The following PALS2 variants were observed in gnomAD, a reference collection of about 807,000 sequenced individuals.
The protein encoded by PALS2 is protein associated with LIN7 2, MAGUK p55 family member.
A neutral mutation model predicts 61.6 loss-of-function variants in PALS2; 27 were observed. That is an observed-to-expected ratio of 0.44 (90% CI 0.32 to 0.60). PALS2 has a LOEUF of 0.60. Among genes scored for constraint, PALS2 ranks in the 20% least tolerant of loss-of-function variants. PALS2 has a pLI of 0.05. For synonymous variants in PALS2, 236 were observed against 218.6 expected (o/e 1.08, Z -0.70); for missense variants, 554 against 639.4 (o/e 0.87, Z 1.44).
At position 24,687,126 on chromosome 7, in the gene PALS2, G is replaced by GT. The variant is rs1210819287; in HGVS notation, c.1447-311dup. 6.6e-6 allele frequency among the ~76,000 whole-genome samples: 1 copy of GT among 152,196 alleles called. No individual in the cohort carries two copies. The highest frequency in any genetic ancestry group is 1.9e-4 in the East Asian group (1 of 5,196). On this transcript the variant is annotated intron_variant, in intron 11 of 11. Transcript: ENST00000222644. The surrounding 1 kb of genome is among the most constrained non-coding windows in gnomAD (Gnocchi z 4.5). The stretch of plus-strand genomic sequence containing the variant: ...TGGAGCTGGAAACCAGTCACCTGCA[G>GT]TAATTGTTTTGTTACTGTAGATTCA...
At chr7:24,679,101 G>C in intron 9 of PALS2, 30 bp from the exon 10 acceptor site, 1 of 1,599,378 alleles carries the variant, frequency 6.3e-7, no homozygotes, top group Non-Finnish European at 8.6e-7. Context: ...AAATTTCTTT[G>C]TACAAAAATC....
chr7:24,669,574 G>T, intron 9 of PALS2, among the ~76,000 whole-genome samples: 1 of 152,006 alleles, frequency 6.6e-6, no homozygotes, highest in East Asian at 1.9e-4. Flanking sequence ...ATTCCTTTAG[G>T]TATATTAATG....
chr7:24,661,490 A>T (rs1786718627), intron 5 of PALS2, among the ~76,000 whole-genome samples: 1 of 152,210 alleles, frequency 6.6e-6, no homozygotes, highest in African/African-American at 2.4e-5. Flanking sequence ...ATGGTTACAA[A>T]ATATATTCTG....
At chr7:24,633,700 C>CCATAAACATTATG (rs1347887418) in intron 2 of PALS2, among the ~76,000 whole-genome samples, 1 of 151,990 alleles carries the variant, frequency 6.6e-6, no homozygotes, top group African/African-American at 2.4e-5. Flanking sequence ...ATGAATATTG[C>CCATAAACATTATG]TGCCATAAAC....
rs1259803456 is a variant in PALS2, at chr7:24,692,329, G to A, written c.*4715G>A. On this transcript the variant is annotated 3_prime_UTR_variant, in exon 12 of 12. Coordinates refer to ENST00000222644, the MANE Select transcript of PALS2 (RefSeq NM_001303037.2). ...TCCTAATTCTGACTTCTGACTGTGT[G>A]ATCTTCGATGAAATTTATATTTCCC... is the stretch of plus-strand genomic sequence containing the variant. The A allele has an allele frequency of 6.6e-6, 1 of 152,190 alleles. No individual in the cohort carries two copies. Among genetic ancestry groups the A allele is most frequent in the African/African-American group, 2.4e-5 (1 of 41,450 alleles). The allele number at this position is 152,190 out of a possible 1,614,324, so 9.4% of individuals were successfully genotyped here.
intron 3 of PALS2, among the ~76,000 whole-genome samples, chr7:24,647,132 TTTTAA>T (rs1295056576): frequency 4.0e-5 from 6 of 151,686 alleles, no homozygotes; most frequent in Non-Finnish European, 8.8e-5. Flanking sequence ...GTTGTTGTTG[TTTTAA>T]TTTAATTTAA....
intron 9 of PALS2, among the ~76,000 whole-genome samples, chr7:24,676,688 A>G (rs1001362937): frequency 4.6e-5 from 7 of 151,116 alleles, no homozygotes; most frequent in African/African-American, 1.2e-4. Context: ...ATAGTTGTAG[A>G]TACGCGGCGT....
intron 9 of PALS2, among the ~76,000 whole-genome samples, chr7:24,670,629 G>C (rs1165807034): frequency 6.6e-6 from 1 of 152,166 alleles, no homozygotes; most frequent in Non-Finnish European, 1.5e-5. Context: ...TAGAATTCTG[G>C]ATTGTAAAAT....
chr7:24,579,502 G>T (rs2711092), intron 1 of PALS2, among the ~76,000 whole-genome samples: 21 of 152,014 alleles, frequency 1.4e-4, no homozygotes, highest in African/African-American at 5.1e-4. Context: ...GAAACAGCAG[G>T]CTTCCTCCCC....
At chr7:24,624,174 T>A (rs1784639085) in intron 2 of PALS2, 1 of 1,237,024 alleles carries the variant, frequency 8.1e-7, no homozygotes, top group South Asian at 1.4e-5. Flanking sequence ...CTTGACTTCC[T>A]TTATCTAGTG....
At chr7:24,663,815 T>C in intron 6 of PALS2, 94 bp downstream of exon 6, 2 of 1,415,434 alleles carry the variant, frequency 1.4e-6, no homozygotes, top group Non-Finnish European at 1.9e-6. Flanking sequence ...TATTAGCATT[T>C]GTTACAATGA....
rs1788513367 is a variant in PALS2, at chr7:24,692,300, A to G, written c.*4686A>G. The G allele has an allele frequency of 6.6e-6, 1 of 152,214 alleles. No homozygotes were observed. Among genetic ancestry groups the G allele is most frequent in the Non-Finnish European group, 1.5e-5 (1 of 68,028 alleles). The allele number at this position is 152,214 out of a possible 1,614,324, so 9.4% of individuals were successfully genotyped here. The stretch of plus-strand genomic sequence containing the variant: ...TAAAAGTAAAGACAGGGTACTGGCC[A>G]AGATCCTAATTCTGACTTCTGACTG... On this transcript the variant is annotated 3_prime_UTR_variant, in exon 12 of 12. Transcript: ENST00000222644.
rs1487552441 is a variant in PALS2 at position 24,693,849 on chromosome 7, G to T, written c.*6235G>T. On this transcript the variant is annotated 3_prime_UTR_variant, in exon 12 of 12. Coordinates refer to ENST00000222644, the MANE Select transcript of PALS2 (RefSeq NM_001303037.2). ...ATGTTGAGCTCTGTTGGAGCCTATG[G>T]TGAGTATTTGATGTGAAAACCTTGC... 1 of 152,082 alleles carries T rather than the reference G, an allele frequency of 6.6e-6. No individual in the cohort carries two copies. The highest frequency in any genetic ancestry group is 1.9e-4 in the East Asian group (1 of 5,196). 9.4% of individuals were successfully genotyped at this position (152,082 alleles called of 1,614,324 possible). A position where few individuals can be genotyped will look rare whatever the true frequency, so the allele number is the denominator to read the frequency against.
At chr7:24,597,162 G>GA (rs953350520) in intron 1 of PALS2, 5 of 152,128 alleles carry the variant, frequency 3.3e-5, no homozygotes, top group African/African-American at 1.2e-4. Flanking sequence ...ACTCCCTGGG[G>GA]AAAAACGTAA....
In PALS2 at chr7:24,681,093, G is replaced by A. The variant is rs184846494; in HGVS notation, c.1446+573G>A. ...ATTAAAATATGCGTATTAATTGAAC[G>A]CCTTCATTTTACTAGTGGGGTAACT... On this transcript the variant is annotated intron_variant, in intron 11 of 11. Transcript: ENST00000222644. 7.3e-5 allele frequency among the ~76,000 whole-genome samples: 11 copies of A among 151,458 alleles called. No individual in the cohort carries two copies. The East Asian group carries it at 7.7e-4, about 11-fold the overall frequency.
intron 1 of PALS2, among the ~76,000 whole-genome samples, chr7:24,607,588 C>T (rs201425446): frequency 8.6e-5 from 7 of 81,288 alleles, no homozygotes; most frequent in African/African-American, 5.5e-4. Flanking sequence ...TGTATATATA[C>T]ATATATGTGT....
intron 1 of PALS2, among the ~76,000 whole-genome samples, chr7:24,601,295 A>G (rs2128047526): frequency 6.6e-6 from 1 of 152,160 alleles, no homozygotes; most frequent in South Asian, 2.1e-4. Flanking sequence ...CTATTCCTGT[A>G]TTTTCATTTT....
chr7:24,616,124 G>C (rs1470178096), intron 1 of PALS2, among the ~76,000 whole-genome samples: 4 of 152,126 alleles, frequency 2.6e-5, no homozygotes, highest in African/African-American at 9.7e-5. Flanking sequence ...AGCTTTTCCT[G>C]TAAGGACTGG....
chr7:24,669,016 A>G (rs555266770), intron 9 of PALS2, among the ~76,000 whole-genome samples: 1 of 152,332 alleles, frequency 6.6e-6, no homozygotes, highest in East Asian at 1.9e-4. Flanking sequence ...TAGTGTAAAG[A>G]AAAGGGGAAA....
Sources: gnomAD v4.1 joint callset for allele counts (sites outside exome capture counted in the v4.1 genomes callset) on GRCh38, gnomAD v4.1.1 for gene constraint, Gnocchi (gnomAD v3.1) non-coding constraint, MANE v1.5 for transcripts, NCBI Gene and HGNC (gene_info 2026-07-23, HGNC 2026-07-21) for gene names.